Variants in SCOC observed in about 807,000 individuals in gnomAD.
The protein encoded by SCOC is short coiled-coil protein, also known as short coiled coil protein.
In SCOC, 7 loss-of-function variants were observed where a neutral mutation model predicts 9.9. The ratio of observed to expected loss-of-function variants is 0.71; its 90% CI spans 0.40 to 1.33. The LOEUF (loss-of-function observed/expected upper bound fraction) is 1.33, where lower values mean the gene tolerates loss of function less well. Among genes scored for constraint, SCOC ranks in the 40% most tolerant of loss-of-function variants. The probability of loss-of-function intolerance (pLI) is 0.01; values close to 1 mark genes in which losing one functional copy is unlikely to be tolerated. For synonymous variants in SCOC, 19 were observed against 28.2 expected (o/e 0.67, Z 1.03); for missense variants, 66 against 89.7 (o/e 0.74, Z 1.07).
intron 1 of SCOC, among the ~76,000 whole-genome samples, chr4:140,326,255 T>C (rs1732641487): frequency 6.6e-6 from 1 of 152,020 alleles, no homozygotes; most frequent in South Asian, 2.1e-4. Context: ...ATACATTACT[T>C]GGGCAGGTGG....
chr4:140,356,023 C>T (rs934605790), intron 2 of SCOC, among the ~76,000 whole-genome samples: 3 of 152,016 alleles, frequency 2.0e-5, no homozygotes, highest in Admixed American at 6.6e-5. Context: ...GGACATCTGT[C>T]GCAACACCAC....
At chr4:140,294,141 G>A (rs1266517794) in intron 1 of SCOC, among the ~76,000 whole-genome samples, 2 of 152,208 alleles carry the variant, frequency 1.3e-5, no homozygotes, top group African/African-American at 2.4e-5. Flanking sequence ...GAGGCATGCT[G>A]AGAGTGGCAG....
chr4:140,370,804 G>T (rs866083036), upstream of SCOC, among the ~76,000 whole-genome samples: 1 of 151,680 alleles, frequency 6.6e-6, no homozygotes. Context: ...CTTTCTGGCC[G>T]TTCAGTTTTC....
chr4:140,379,673 T>G (rs776048117), intron 3 of SCOC, 21 bp downstream of exon 3: 4 of 1,538,516 alleles, frequency 2.6e-6, no homozygotes, highest in Admixed American at 3.7e-5. Flanking sequence ...ATTTTGTAGT[T>G]TATTTGAATG....
At chr4:140,274,766 C>T (rs1272226811) in intron 1 of SCOC, among the ~76,000 whole-genome samples, 1 of 152,190 alleles carries the variant, frequency 6.6e-6, no homozygotes, top group Non-Finnish European at 1.5e-5. Flanking sequence ...TAGCACTTCC[C>T]TTCTCAAAAG....
chr4:140,368,834 G>A (rs1260808722), upstream of SCOC, among the ~76,000 whole-genome samples: 3 of 152,126 alleles, frequency 2.0e-5, no homozygotes, highest in Non-Finnish European at 4.4e-5. Flanking sequence ...CCTTTTATCT[G>A]TAGCTATCTG....
At chr4:140,341,892 A>G (rs970388253), upstream of SCOC, among the ~76,000 whole-genome samples, 8 of 152,190 alleles carry the variant, frequency 5.3e-5, no homozygotes, top group African/African-American at 1.4e-4. Context: ...ATTCTTTGAC[A>G]TCTTTGTCAA....
intron 1 of SCOC, among the ~76,000 whole-genome samples, chr4:140,267,961 G>A (rs1356733205): frequency 6.6e-6 from 1 of 152,198 alleles, no homozygotes; most frequent in Non-Finnish European, 1.5e-5. Flanking sequence ...GGACCGGCCT[G>A]GGGACGCCTT....
At chr4:140,366,620 T>G in intron 2 of SCOC, 1 of 1,606,960 alleles carries the variant, frequency 6.2e-7, no homozygotes, top group Admixed American at 1.7e-5. Flanking sequence ...GTATTGATGT[T>G]TGCCTTCTGC....
Position 140,274,792 on chromosome 4 carries a change from C to T in SCOC, c.-19+17382C>T, listed in dbSNP as rs937990202. Among the ~76,000 whole-genome samples the T allele has an allele frequency of 2.6e-5, 4 of 152,200 alleles. No homozygotes were observed. In the East Asian group the frequency reaches 5.8e-4, roughly 22 times the overall value. On this transcript the variant is annotated intron_variant, in intron 1 of 4. Transcript: ENST00000394205. ...TTCTCAAAAGCCTTCAACCACTCCT[C>T]GGTGTCTAAGGAAGGAATTCCAAGC... is the stretch of plus-strand genomic sequence containing the variant.
chr4:140,274,341 A>C (rs1482376197), intron 1 of SCOC, among the ~76,000 whole-genome samples: 1 of 152,218 alleles, frequency 6.6e-6, no homozygotes, highest in Non-Finnish European at 1.5e-5. Context: ...CAATCTAGGC[A>C]TATATAGCTG....
chr4:140,291,917 C>T (rs1731484175), intron 1 of SCOC, among the ~76,000 whole-genome samples: 1 of 152,150 alleles, frequency 6.6e-6, no homozygotes, highest in African/African-American at 2.4e-5. Context: ...ATAGTTTATG[C>T]TTGCCATGGT....
chr4:140,332,697 C>T (rs1040913838), intron 1 of SCOC, among the ~76,000 whole-genome samples: 1 of 152,056 alleles, frequency 6.6e-6, no homozygotes, highest in Non-Finnish European at 1.5e-5. Flanking sequence ...TTTGACTGAT[C>T]TTTCTCTTAC....
chr4:140,285,064 C>G (rs956604496), intron 1 of SCOC: 1 of 408,516 alleles, frequency 2.4e-6, no homozygotes, highest in Non-Finnish European at 4.9e-6. Context: ...GCTTTCCATG[C>G]ATTATTTCCC....
At position 140,384,691 on chromosome 4, in the gene SCOC, A is replaced by T. The variant is rs1728654519; in HGVS notation, c.*3587A>T. The T allele has an allele frequency of 6.6e-6, 1 of 152,188 alleles. No individual in the cohort carries two copies. The highest frequency in any genetic ancestry group is 2.1e-4 in the South Asian group (1 of 4,824). 9.4% of individuals were successfully genotyped at this position (152,188 alleles called of 1,614,324 possible). A position where few individuals can be genotyped will look rare whatever the true frequency, so the allele number is the denominator to read the frequency against. ...GAGTAAAGTCTTCTTTACTGCTTTA[A>T]CAAGTGTCAGAATGGTTTTTCCTTT... On this transcript the variant is annotated 3_prime_UTR_variant, in exon 4 of 4. Coordinates refer to ENST00000608372, the MANE Select transcript of SCOC (RefSeq NM_001153484.2).
intron 1 of SCOC, among the ~76,000 whole-genome samples, chr4:140,273,102 C>A (rs1470660331): frequency 6.6e-6 from 1 of 152,144 alleles, no homozygotes; most frequent in East Asian, 1.9e-4. Flanking sequence ...CAGGCCCCAG[C>A]AACAGCACAG....
At chr4:140,277,677 G>T (rs1438807081) in intron 1 of SCOC, among the ~76,000 whole-genome samples, 1 of 152,174 alleles carries the variant, frequency 6.6e-6, no homozygotes, top group Non-Finnish European at 1.5e-5. Context: ...TAGTAAAAAA[G>T]CAGCATAAAA....
intron 2 of SCOC, among the ~76,000 whole-genome samples, chr4:140,350,537 T>C (rs1234319867): frequency 6.6e-6 from 1 of 152,234 alleles, no homozygotes; most frequent in Non-Finnish European, 1.5e-5. Context: ...TCTGGGTAAG[T>C]TTAGTTCTGT....
At chr4:140,366,399 T>C (rs1238017682) in intron 2 of SCOC, 4 of 1,307,732 alleles carry the variant, frequency 3.1e-6, no homozygotes, top group Non-Finnish European at 4.3e-6. Context: ...GCTAGAACTT[T>C]AGCAGCAGCT....
Sources: gnomAD v4.1 joint callset for allele counts (sites outside exome capture counted in the v4.1 genomes callset) on GRCh38, gnomAD v4.1.1 for gene constraint, MANE v1.5 for transcripts, NCBI Gene and HGNC (gene_info 2026-07-23, HGNC 2026-07-21) for gene names.